The following DLGAP4 variants were observed in gnomAD, a reference collection of about 807,000 sequenced individuals.
The protein encoded by DLGAP4 is DLG associated protein 4, also known as disks large-associated protein 4.
A neutral mutation model predicts 86.9 loss-of-function variants in DLGAP4; 18 were observed. The observed-to-expected ratio is 0.21, with a 90% CI of 0.14 to 0.31. DLGAP4 has a LOEUF of 0.31. Ranked by LOEUF, DLGAP4 falls within the 10% of genes least tolerant of loss-of-function variation. DLGAP4 has a pLI of 1.00. For synonymous variants in DLGAP4, 548 were observed against 574.3 expected (o/e 0.95, Z 0.65); for missense variants, 1,085 against 1,362.6 (o/e 0.80, Z 3.21).
chr20:36,521,702 T>C (rs1261687627), intron 10 of DLGAP4, among the ~76,000 whole-genome samples: 2 of 152,214 alleles, frequency 1.3e-5, no homozygotes, highest in Non-Finnish European at 2.9e-5. Context: ...TATGATGGCC[T>C]GATTTTCCTC....
chr20:36,416,018 A>T (rs927510070), intron 2 of DLGAP4, among the ~76,000 whole-genome samples: 1 of 152,182 alleles, frequency 6.6e-6, no homozygotes, highest in African/African-American at 2.4e-5. Context: ...CATATGCTTT[A>T]TGTCAGCCAC....
chr20:36,519,645 T>C (rs1364077699), intron 10 of DLGAP4, among the ~76,000 whole-genome samples: 1 of 152,208 alleles, frequency 6.6e-6, no homozygotes, highest in Non-Finnish European at 1.5e-5. Flanking sequence ...CAGATCTATG[T>C]CTCGCTTTCT....
chr20:36,451,675 G>A (rs1414211718), intron 7 of DLGAP4, among the ~76,000 whole-genome samples: 3 of 151,832 alleles, frequency 2.0e-5, no homozygotes, highest in Non-Finnish European at 2.9e-5. Flanking sequence ...GTGTTAATAA[G>A]AGATATTATA....
At chr20:36,410,028 C>T (rs1315278031) in intron 2 of DLGAP4, among the ~76,000 whole-genome samples, 6 of 145,988 alleles carry the variant, frequency 4.1e-5, no homozygotes, top group African/African-American at 1.3e-4. Flanking sequence ...AGTTAGACTC[C>T]GTCTCAAAAA....
chr20:36,399,059 G>A (rs1190442292), intron 2 of DLGAP4, among the ~76,000 whole-genome samples: 4 of 152,124 alleles, frequency 2.6e-5, no homozygotes, highest in Non-Finnish European at 4.4e-5. Context: ...TAGGCATGGT[G>A]GTGCATATCT....
At chr20:36,311,275 T>A (rs1427643016) in intron 1 of DLGAP4, among the ~76,000 whole-genome samples, 6 of 151,854 alleles carry the variant, frequency 4.0e-5, no homozygotes, top group Admixed American at 3.9e-4. Context: ...TCTCACTGGG[T>A]CCTTGCAGGG....
intron 1 of DLGAP4, among the ~76,000 whole-genome samples, chr20:36,358,950 G>T (rs1428431921): frequency 6.6e-6 from 1 of 152,184 alleles, no homozygotes; most frequent in Non-Finnish European, 1.5e-5. Context: ...ATATGAGCAT[G>T]CCAGAAATGC....
At chr20:36,343,150 G>A (rs1448412662) in intron 1 of DLGAP4, among the ~76,000 whole-genome samples, 2 of 152,112 alleles carry the variant, frequency 1.3e-5, no homozygotes, top group Non-Finnish European at 2.9e-5. Flanking sequence ...GCAGCTCACC[G>A]GCTCACATTT....
intron 7 of DLGAP4, among the ~76,000 whole-genome samples, chr20:36,479,948 C>T (rs1342191483): frequency 6.6e-6 from 1 of 152,102 alleles, no homozygotes; most frequent in Non-Finnish European, 1.5e-5. Flanking sequence ...GGGCCCTTTG[C>T]TCAGGAGATG....
intron 12 of DLGAP4, 115 bp downstream of exon 12, chr20:36,526,121 T>TG: frequency 8.1e-6 from 12 of 1,489,912 alleles, no homozygotes; most frequent in South Asian, 6.8e-5. Context: ...GTCTTTGAGC[T>TG]GGGGTCTCAC....
intron 10 of DLGAP4, among the ~76,000 whole-genome samples, chr20:36,516,463 C>T (rs567543143): frequency 2.0e-5 from 3 of 151,812 alleles, no homozygotes; most frequent in African/African-American, 2.4e-5. Flanking sequence ...CTCAGGAGTT[C>T]GAGACCAGCC....
Position 36,393,402 on chromosome 20 carries a change from A to G in DLGAP4, c.-73+26127A>G, listed in dbSNP as rs976069779. 1.2e-4 allele frequency among the ~76,000 whole-genome samples: 18 copies of G among 152,048 alleles called. No homozygotes were observed. Among genetic ancestry groups the G allele is most frequent in the African/African-American group, 3.6e-4 (15 of 41,370 alleles). Reference sequence around the variant, plus strand: ...CCTCAGCTTCCTCATCTGGTAAACAATAAAATTAATCCCTGTCCCCCGGCT... The same window carrying G: ...CCTCAGCTTCCTCATCTGGTAAACAGTAAAATTAATCCCTGTCCCCCGGCT... On this transcript the variant is annotated intron_variant, in intron 2 of 12. Coordinates refer to ENST00000339266, the MANE Select transcript of DLGAP4 (RefSeq NM_001365621.2). The surrounding 1 kb of genome is among the most constrained non-coding windows in gnomAD (Gnocchi z 4.4).
chr20:36,524,369 C>T (rs375814241), intron 11 of DLGAP4, 28 bp downstream of exon 11: 137 of 1,590,628 alleles, frequency 8.6e-5, no homozygotes, highest in Non-Finnish European at 1.1e-4. Context: ...TCCTCCACAG[C>T]AGGGCTTCCA....
chr20:36,363,242 TG>T (rs1301431047), intron 1 of DLGAP4, among the ~76,000 whole-genome samples: 1 of 151,866 alleles, frequency 6.6e-6, no homozygotes, highest in Admixed American at 6.6e-5. Flanking sequence ...AAGGAGCAGG[TG>T]GGGGAGGGAA....
At chr20:36,428,150 A>AG (rs1250300569) in intron 2 of DLGAP4, among the ~76,000 whole-genome samples, 5 of 152,178 alleles carry the variant, frequency 3.3e-5, no homozygotes, top group Admixed American at 6.5e-5. Flanking sequence ...CAGCTTTAGC[A>AG]GGGGTGAGGG....
At chr20:36,415,321 G>A (rs1013814276) in intron 2 of DLGAP4, among the ~76,000 whole-genome samples, 4 of 152,010 alleles carry the variant, frequency 2.6e-5, no homozygotes, top group Non-Finnish European at 5.9e-5. Flanking sequence ...CGTCCAGAGA[G>A]CGCTGGCCTA....
At chr20:36,524,192 C>T in intron 10 of DLGAP4, 58 bp from the exon 11 acceptor site, 12 of 1,398,554 alleles carry the variant, frequency 8.6e-6, no homozygotes, top group Non-Finnish European at 1.2e-5. Flanking sequence ...AGCATGATGC[C>T]ATCCCACCAA....
At chr20:36,316,572 C>T (rs1390760872) in intron 1 of DLGAP4, among the ~76,000 whole-genome samples, 1 of 152,180 alleles carries the variant, frequency 6.6e-6, no homozygotes, top group Non-Finnish European at 1.5e-5. Flanking sequence ...TAAGGGTCTC[C>T]CACCGGGCAG....
intron 10 of DLGAP4, among the ~76,000 whole-genome samples, chr20:36,511,531 C>G (rs1320274385): frequency 1.3e-5 from 2 of 151,990 alleles, no homozygotes; most frequent in African/African-American, 2.4e-5. Context: ...AGATTTATTC[C>G]TTAGTACTTT....
Sources: gnomAD v4.1 joint callset for allele counts (sites outside exome capture counted in the v4.1 genomes callset) on GRCh38, gnomAD v4.1.1 for gene constraint, Gnocchi (gnomAD v3.1) non-coding constraint, MANE v1.5 for transcripts, NCBI Gene and HGNC (gene_info 2026-07-23, HGNC 2026-07-21) for gene names.